Variants in OR11H4 observed in about 807,000 individuals in gnomAD.
OR11H4 encodes olfactory receptor family 11 subfamily H member 4, also known as olfactory receptor 11H4.
For synonymous variants in OR11H4, 162 were observed against 142.3 expected (o/e 1.14, Z -0.98); for missense variants, 460 against 371.1 (o/e 1.24, Z -1.97).
At position 20,243,768 on chromosome 14, in the gene OR11H4, C is replaced by A; in HGVS notation, c.*2C>A. On this transcript the variant is annotated 3_prime_UTR_variant, in exon 2 of 2. Coordinates refer to ENST00000641082, the MANE Select transcript of OR11H4 (RefSeq NM_001004479.2). Reference sequence around the variant, plus strand: ...ATGAGAATTCGTCAAAATTCGTGAGCCAAAGATGTGCCATACTTACAAGTT... The same window carrying A: ...ATGAGAATTCGTCAAAATTCGTGAGACAAAGATGTGCCATACTTACAAGTT... 1 of 1,566,700 alleles carries A rather than the reference C, an allele frequency of 6.4e-7. No homozygotes were observed. Among genetic ancestry groups the A allele is most frequent in the Non-Finnish European group, 8.6e-7 (1 of 1,157,624 alleles).
Position 20,242,932 on chromosome 14 carries a change from G to A in OR11H4, c.111G>A (p.Leu37=), listed in dbSNP as rs750019624. Residue 37 remains leucine (L), a synonymous_variant, in exon 2 of 2, where the codon TTG becomes TTA. Coordinates refer to ENST00000641082, the MANE Select transcript of OR11H4 (RefSeq NM_001004479.2). The part of the protein sequence containing the change: ...LFSLFLVIYV[L]TLLGNGAIIY... ...CATTGTTTTTGGTGATTTATGTCTTGACCTTGCTGGGAAATGGAGCCATCA... is the reference window on the plus strand; with the variant it reads ...CATTGTTTTTGGTGATTTATGTCTTAACCTTGCTGGGAAATGGAGCCATCA... 3 of 1,614,082 alleles carry A rather than the reference G, an allele frequency of 1.9e-6. No homozygotes were observed. Among genetic ancestry groups the A allele is most frequent in the Non-Finnish European group, 2.5e-6 (3 of 1,180,004 alleles).
intron 1 of OR11H4, among the ~76,000 whole-genome samples, chr14:20,242,199 C>T (rs547540965): frequency 6.6e-6 from 1 of 152,240 alleles, no homozygotes; most frequent in South Asian, 2.1e-4. Flanking sequence ...TTCAGACTAT[C>T]ACATGGGGAG....
chr14:20,240,238 C>T (rs1283485531), intron 1 of OR11H4, among the ~76,000 whole-genome samples: 1 of 152,106 alleles, frequency 6.6e-6, no homozygotes, highest in African/African-American at 2.4e-5. Context: ...ATTTATGCTT[C>T]GTAAACAACA....
chr14:20,241,358 T>C (rs1880913832), intron 1 of OR11H4, among the ~76,000 whole-genome samples: 1 of 147,528 alleles, frequency 6.8e-6, no homozygotes, highest in East Asian at 1.9e-4. Flanking sequence ...TGTTCAAACA[T>C]CTAAACCAAT....
At position 20,243,808 on chromosome 14, in the gene OR11H4, G is replaced by T. The variant is rs748338695; in HGVS notation, c.*42G>T. ...ACTTACAAGTTCTAACGAAGAACAA[G>T]GTCGAGATGTTGTCAGTTCTTTAGC... On this transcript the variant is annotated 3_prime_UTR_variant, in exon 2 of 2. Coordinates refer to ENST00000641082, the MANE Select transcript of OR11H4 (RefSeq NM_001004479.2). 2.0e-6 allele frequency: 3 copies of T among 1,527,376 alleles called. No homozygotes were observed. The highest frequency in any genetic ancestry group is 2.7e-5 in the South Asian group (2 of 75,336). 94.6% of individuals were successfully genotyped at this position (1,527,376 alleles called of 1,614,324 possible). A position where few individuals can be genotyped will look rare whatever the true frequency, so the allele number is the denominator to read the frequency against.
rs1881003882 is a variant in OR11H4, at chr14:20,244,013, A to G, written c.*247A>G. ...TGATAAAATGGAATTTCTACATGAG[A>G]TGCCCTCCTGCTGACATGCCCCATG... On this transcript the variant is annotated 3_prime_UTR_variant, in exon 2 of 2. Transcript: ENST00000641082. 1 of 348,762 alleles carries G rather than the reference A, an allele frequency of 2.9e-6. No homozygotes were observed. The highest frequency in any genetic ancestry group is 5.2e-6 in the Non-Finnish European group (1 of 193,222). 21.6% of individuals were successfully genotyped at this position (348,762 alleles called of 1,614,324 possible).
intron 1 of OR11H4, among the ~76,000 whole-genome samples, chr14:20,240,974 C>G (rs1476976482): frequency 6.6e-6 from 1 of 151,888 alleles, no homozygotes; most frequent in Admixed American, 6.6e-5. Flanking sequence ...TTATTTAATT[C>G]TTAAATACAT....
chr14:20,241,877 T>C (rs1260543315), intron 1 of OR11H4, among the ~76,000 whole-genome samples: 3 of 152,148 alleles, frequency 2.0e-5, no homozygotes, highest in Non-Finnish European at 4.4e-5. Context: ...TGCCTGGATG[T>C]GCACGTAGGC....
In OR11H4 at chr14:20,243,110, T is replaced by C. The variant is rs1457882222; in HGVS notation, c.289T>C (p.Cys97Arg). The C allele has an allele frequency of 6.2e-7, 1 of 1,614,176 alleles. No homozygotes were observed. The highest frequency in any genetic ancestry group is 1.1e-5 in the South Asian group (1 of 91,084). ...SKTKAISFSGCFLQFYFFFSL... is the reference protein window; with the variant it reads ...SKTKAISFSGRFLQFYFFFSL... Reference sequence around the variant, plus strand: ...GACCAAGGCCATCTCATTTTCTGGGTGCTTCCTCCAGTTCTATTTCTTCTT... The same window carrying C: ...GACCAAGGCCATCTCATTTTCTGGGCGCTTCCTCCAGTTCTATTTCTTCTT... Residue 97 changes from cysteine (C) to arginine (R), a missense_variant, in exon 2 of 2, where the codon TGC becomes CGC. Physicochemically the swap from Cys to Arg is radical, Grantham distance 180. Coordinates refer to ENST00000641082, the MANE Select transcript of OR11H4 (RefSeq NM_001004479.2).
At position 20,243,186 on chromosome 14, in the gene OR11H4, G is replaced by A. The variant is rs367693071; in HGVS notation, c.365G>A (p.Arg122Gln). The A allele has an allele frequency of 1.6e-5, 26 of 1,614,004 alleles. No homozygotes were observed. The highest frequency in any genetic ancestry group is 2.1e-5 in the Non-Finnish European group (25 of 1,180,030). Residue 122 changes from arginine to glutamine, a missense_variant, in exon 2 of 2, where the codon CGA (arginine) becomes CAA (glutamine). By Grantham distance (43) the Arg-to-Gln change is conservative. Coordinates refer to ENST00000641082, the MANE Select transcript of OR11H4 (RefSeq NM_001004479.2). Reference sequence around the variant, plus strand: ...TTTCTGGCAGTAATGGCTTATGATCGATACCTGGCCATCTGCCACCCACTG... The same window carrying A: ...TTTCTGGCAGTAATGGCTTATGATCAATACCTGGCCATCTGCCACCCACTG... ...CLFLAVMAYD[R>Q]YLAICHPLQY...
chr14:20,240,775 C>T (rs980039547), intron 1 of OR11H4, among the ~76,000 whole-genome samples: 1 of 151,816 alleles, frequency 6.6e-6, no homozygotes, highest in Non-Finnish European at 1.5e-5. Context: ...AGGGTTTTCA[C>T]CATGTTGGCC....
intron 1 of OR11H4, among the ~76,000 whole-genome samples, chr14:20,242,245 G>A (rs1310305056): frequency 2.0e-5 from 3 of 152,102 alleles, no homozygotes; most frequent in Non-Finnish European, 4.4e-5. Context: ...AAGGGCAGAG[G>A]TCCCTGCAGC....
rs750341829 is a variant in OR11H4, at chr14:20,243,783, A to T, written c.*17A>T. The T allele has an allele frequency of 6.4e-7, 1 of 1,552,498 alleles. No individual in the cohort carries two copies. Among genetic ancestry groups the T allele is most frequent in the Non-Finnish European group, 8.7e-7 (1 of 1,151,692 alleles). On this transcript the variant is annotated 3_prime_UTR_variant, in exon 2 of 2. Transcript: ENST00000641082. ...AATTCGTGAGCCAAAGATGTGCCAT[A>T]CTTACAAGTTCTAACGAAGAACAAG...
At position 20,243,615 on chromosome 14, in the gene OR11H4, G is replaced by A. The variant is rs747281139; in HGVS notation, c.794G>A (p.Gly265Glu). Residue 265 changes from glycine to glutamate, a missense_variant, in exon 2 of 2, where the codon GGG (glycine) becomes GAG (glutamate). Physicochemically the swap from Gly to Glu is moderately conservative, Grantham distance 98. Transcript: ENST00000641082. ...GTAATGTATGTAAGTCCTACATATG[G>A]GATCCCAACTTTATTGCAGAAGATC... ...VMVMYVSPTY[G>E]IPTLLQKILT... 5.0e-6 allele frequency: 8 copies of A among 1,613,866 alleles called. No individual in the cohort carries two copies. In the African/African-American group the frequency reaches 1.1e-4, roughly 22 times the overall value.
intron 1 of OR11H4, 90 bp downstream of exon 1, chr14:20,239,421 G>A (rs112883251): frequency 0.01 from 1,573 of 152,532 alleles, 15 homozygotes; most frequent in Admixed American, 0.016. Flanking sequence ...TCGGCCGGGC[G>A]CGGTGGCTCA....
At chr14:20,242,181 G>A (rs948738275) in intron 1 of OR11H4, among the ~76,000 whole-genome samples, 1 of 151,974 alleles carries the variant, frequency 6.6e-6, no homozygotes, top group Admixed American at 6.6e-5. Context: ...CATCCCACGA[G>A]GCCATATTTC....
Position 20,243,063 on chromosome 14 carries a change from T to A in OR11H4, c.242T>A (p.Met81Lys), listed in dbSNP as rs772706499. ...TATGTGTCCTCCACTATTCCTAACA[T>A]GCTAGTCAACATTCTCTCCAAGACC... The part of the protein sequence containing the change: ...IWYVSSTIPN[M>K]LVNILSKTKA... Residue 81 changes from methionine to lysine, a missense_variant, in exon 2 of 2, where the codon ATG becomes AAG. Coordinates refer to ENST00000641082, the MANE Select transcript of OR11H4 (RefSeq NM_001004479.2). 2.5e-6 allele frequency: 4 copies of A among 1,614,064 alleles called. No individual in the cohort carries two copies. In the East Asian group the frequency reaches 6.7e-5, roughly 27 times the overall value.
intron 1 of OR11H4, among the ~76,000 whole-genome samples, chr14:20,242,137 C>A (rs141259189): frequency 1.3e-5 from 2 of 151,966 alleles, no homozygotes; most frequent in African/African-American, 2.4e-5. Context: ...AGACCCTTTA[C>A]GGGTGTCCGG....
In OR11H4 at chr14:20,243,695, C is replaced by G. The variant is rs747190159; in HGVS notation, c.874C>G (p.Leu292Val). 36 of 1,607,616 alleles carry G rather than the reference C, an allele frequency of 2.2e-5. 1 individual carries two copies. The Admixed American group carries it at 6.2e-4, about 28-fold the overall frequency. The change falls in exon 2 of 2, where the codon CTT (leucine) becomes GTT (valine). Residue 292 changes from leucine (L) to valine (V), a missense_variant. By Grantham distance (32) the Leu-to-Val change is conservative. Transcript: ENST00000641082. ...TPLFNPLIYT[L>V]RNKDMKLALR... is the part of the protein sequence containing the mutation. ...TCTTTTTAATCCTCTGATCTATACT[C>G]TTCGTAATAAGGACATGAAACTCGC...
Sources: gnomAD v4.1 joint callset for allele counts (sites outside exome capture counted in the v4.1 genomes callset) on GRCh38, gnomAD v4.1.1 for gene constraint, MANE v1.5 for transcripts, NCBI Gene and HGNC (gene_info 2026-07-23, HGNC 2026-07-21) for gene names.